The following PPID variants were observed in gnomAD, a reference collection of about 807,000 sequenced individuals.
PPID encodes the protein peptidylprolyl isomerase D.
In PPID, 47 loss-of-function variants were observed where a neutral mutation model predicts 48.1. That is an observed-to-expected ratio of 0.98 (90% CI 0.77 to 1.25). The LOEUF (loss-of-function observed/expected upper bound fraction) is 1.25. Ranked by LOEUF, PPID falls within the 50% of genes most tolerant of loss-of-function variation. The probability of loss-of-function intolerance (pLI) is 0.00; values close to 1 mark genes in which losing one functional copy is unlikely to be tolerated. For synonymous variants in PPID, 163 were observed against 148.8 expected, an observed-to-expected ratio of 1.10 and a Z score of -0.69; for missense variants, 429 against 443.5, an observed-to-expected ratio of 0.97 and a Z score of 0.29.
intron 2 of PPID, among the ~76,000 whole-genome samples, chr4:158,719,936 A>T (rs1004046747): frequency 6.6e-6 from 1 of 152,176 alleles, no homozygotes; most frequent in African/African-American, 2.4e-5. Flanking sequence ...AGTCTGGAAA[A>T]ATCCATGTGC....
intron 2 of PPID, among the ~76,000 whole-genome samples, chr4:158,720,638 C>T (rs1774941539): frequency 6.6e-6 from 1 of 152,192 alleles, no homozygotes; most frequent in Admixed American, 6.5e-5. Context: ...CCCATGTGCC[C>T]AAAACACTGA....
intron 7 of PPID, among the ~76,000 whole-genome samples, chr4:158,711,706 CTATA>C (rs1774793676): frequency 6.6e-6 from 1 of 152,188 alleles, no homozygotes; most frequent in Non-Finnish European, 1.5e-5. Flanking sequence ...AGGCTCTTAA[CTATA>C]ATACCAGCAC....
At chr4:158,723,143 C>A in intron 1 of PPID, 61 bp downstream of exon 1, 1 of 1,509,216 alleles carries the variant, frequency 6.6e-7, no homozygotes, top group Non-Finnish European at 9.1e-7. Context: ...CTTGGAATCC[C>A]CCAAATCCCG....
At chr4:158,710,075 C>A (rs1393210270) in intron 9 of PPID, 1 of 474,298 alleles carries the variant, frequency 2.1e-6, no homozygotes, top group African/African-American at 2.0e-5. Context: ...GTAATTGCTT[C>A]CCTTGTTTCA....
chr4:158,710,952 T>TG, intron 7 of PPID, 104 bp from the exon 8 acceptor site: 1 of 1,049,574 alleles, frequency 9.5e-7, no homozygotes, highest in Non-Finnish European at 1.4e-6. Flanking sequence ...CACTGCTCTG[T>TG]GAAAATGGAG....
rs1262364803 is a variant in PPID at position 158,715,284 on chromosome 4, G to A, written c.752+13C>T. On this transcript the variant is annotated intron_variant, in intron 6 of 9. Transcript: ENST00000307720. ...ATAATTTCTTAAAAATAATTTGTTA[G>A]AAATAATATTACCTTAAAACTTCTG... 11 of 1,404,686 alleles carry A rather than the reference G, an allele frequency of 7.8e-6. No individual in the cohort carries two copies. The highest frequency in any genetic ancestry group is 2.5e-4 in the Middle Eastern group (1 of 3,966). 87.0% of individuals were successfully genotyped at this position (1,404,686 alleles called of 1,614,324 possible).
At chr4:158,713,960 T>C (rs1774830130) in intron 6 of PPID, among the ~76,000 whole-genome samples, 1 of 152,006 alleles carries the variant, frequency 6.6e-6, no homozygotes, top group South Asian at 2.1e-4. Flanking sequence ...GGAGGGAGGA[T>C]TGCTTGGGCC....
intron 4 of PPID, among the ~76,000 whole-genome samples, chr4:158,716,094 T>A (rs1446464056): frequency 6.6e-6 from 1 of 151,660 alleles, no homozygotes; most frequent in Non-Finnish European, 1.5e-5. Context: ...TTTCTTTTTT[T>A]CTTTTTTTTT....
At chr4:158,709,949 T>TA in intron 9 of PPID, 125 bp from the exon 10 acceptor site, 1 of 674,432 alleles carries the variant, frequency 1.5e-6, no homozygotes, top group East Asian at 2.8e-5. Context: ...TAAGCCCTAG[T>TA]AACAGAAAAT....
At chr4:158,710,298 G>A (rs771270554) in intron 9 of PPID, 23 of 419,226 alleles carry the variant, frequency 5.5e-5, no homozygotes, top group Non-Finnish European at 9.4e-5. Flanking sequence ...CTGAGCTCTC[G>A]ACTAGACTAA....
intron 7 of PPID, among the ~76,000 whole-genome samples, chr4:158,712,818 T>C (rs933322832): frequency 2.0e-5 from 3 of 152,102 alleles, no homozygotes; most frequent in Non-Finnish European, 4.4e-5. Flanking sequence ...ATCTTAATCA[T>C]TTCTGACTTT....
At chr4:158,711,849 C>T (rs1230375094) in intron 7 of PPID, among the ~76,000 whole-genome samples, 1 of 152,050 alleles carries the variant, frequency 6.6e-6, no homozygotes, top group Non-Finnish European at 1.5e-5. Context: ...GGCCTGTAGT[C>T]CCAGCTACTT....
intron 6 of PPID, among the ~76,000 whole-genome samples, chr4:158,714,747 G>T (rs1171603163): frequency 1.3e-5 from 2 of 151,968 alleles, no homozygotes; most frequent in Non-Finnish European, 2.9e-5. Flanking sequence ...TGCGCCACCA[G>T]CCCAGCTAAT....
rs1322017334 is a variant in PPID, at chr4:158,715,626, G to A, written c.581C>T (p.Pro194Leu). The A allele has an allele frequency of 1.2e-6, 2 of 1,612,210 alleles. No individual in the cohort carries two copies. Among genetic ancestry groups the A allele is most frequent in the South Asian group, 1.1e-5 (1 of 91,036 alleles). ...ATGACTGTCGCCAGAGCCATCTTTT[G>A]GGAATATTCCCCCGTCATCTCCTTC... ...LKEGDDGGIF[P>L]KDGSGDSHPD... The change falls in exon 5 of 10, where the codon CCA (proline) becomes CTA (leucine). Residue 194 changes from proline (P) to leucine (L), a missense_variant. Transcript: ENST00000307720.
At chr4:158,710,254 G>A in intron 9 of PPID, 1 of 352,016 alleles carries the variant, frequency 2.8e-6, no homozygotes, top group South Asian at 3.6e-5. Flanking sequence ...GGTCCCAAAT[G>A]TTAAATTTAC....
rs769019166 is a variant in PPID at position 158,719,198 on chromosome 4, A to G, written c.315T>C (p.Asp105=). 8.1e-6 allele frequency: 13 copies of G among 1,596,356 alleles called. No individual in the cohort carries two copies. The South Asian group carries it at 8.8e-5, about 11-fold the overall frequency. ...ACTTTACCTTGTAATGGAAATTTTCATCTTCAAATTTTTCACCATAAATAC... is the reference window on the plus strand; with the variant it reads ...ACTTTACCTTGTAATGGAAATTTTCGTCTTCAAATTTTTCACCATAAATAC... ...GESIYGEKFE[D]ENFHYKHDRE... is the part of the protein sequence containing the mutation. Residue 105 remains aspartate (D), a synonymous_variant, in exon 3 of 10, where the codon GAT becomes GAC. Transcript: ENST00000307720.
chr4:158,717,808 T>C (rs1774896321), intron 3 of PPID, among the ~76,000 whole-genome samples: 1 of 152,130 alleles, frequency 6.6e-6, no homozygotes, highest in African/African-American at 2.4e-5. Context: ...CTTCGGAGAG[T>C]GCTCAAAAGA....
chr4:158,709,663 CATAG>C lies in PPID; in HGVS notation c.*69_*72del. 1.7e-6 allele frequency: 2 copies of C among 1,160,406 alleles called. No individual in the cohort carries two copies. The highest frequency in any genetic ancestry group is 2.5e-6 in the Non-Finnish European group (2 of 798,558). 71.9% of individuals were successfully genotyped at this position (1,160,406 alleles called of 1,614,324 possible). On this transcript the variant is annotated 3_prime_UTR_variant, in exon 10 of 10. Transcript: ENST00000307720. ...AAAGAAACACATTAGGGATCATATT[CATAG>C]ACAAAAACCTTTACATTTTCTTATT...
chr4:158,709,891 C>CT, intron 9 of PPID, 67 bp from the exon 10 acceptor site: 1 of 1,326,374 alleles, frequency 7.5e-7, no homozygotes, highest in Non-Finnish European at 1.1e-6. Flanking sequence ...GACTAACAAA[C>CT]TATTTTAATG....
Sources: allele counts gnomAD v4.1 joint callset (sites outside exome capture counted in the v4.1 genomes callset), GRCh38; gene constraint gnomAD v4.1.1; transcripts MANE v1.5; gene names NCBI Gene and HGNC (gene_info 2026-07-23, HGNC 2026-07-21).